SLCO1B3: variants seen among roughly 807,000 people sequenced by gnomAD.
SLCO1B3 encodes the protein solute carrier organic anion transporter family member 1B3, also known as liver-specific organic anion transporter 2.
A neutral mutation model predicts 71.8 loss-of-function variants in SLCO1B3; 72 were observed. That is an observed-to-expected ratio of 1.00 (90% CI 0.83 to 1.22). The LOEUF (loss-of-function observed/expected upper bound fraction) is 1.22, where lower values mean the gene tolerates loss of function less well. Ranked by LOEUF, SLCO1B3 falls within the 50% of genes most tolerant of loss-of-function variation. SLCO1B3 has a pLI of 0.00. For synonymous variants in SLCO1B3, 298 were observed against 278.4 expected (o/e 1.07, Z -0.70); for missense variants, 911 against 819.7 (o/e 1.11, Z -1.36).
At chr12:20,819,938 A>G (rs978773911) in intron 3 of SLCO1B3, among the ~76,000 whole-genome samples, 10 of 152,140 alleles carry the variant, frequency 6.6e-5, no homozygotes, top group Admixed American at 3.9e-4. Flanking sequence ...GCTGTAGTCC[A>G]GGAATAGTCA....
At chr12:20,908,642 T>C (rs1866305049) in intron 15 of SLCO1B3, among the ~76,000 whole-genome samples, 1 of 152,234 alleles carries the variant, frequency 6.6e-6, no homozygotes. Context: ...ATACATTTTG[T>C]AGCCTTTTCA....
At chr12:20,885,069 AAAGG>A (rs1865767804) in intron 13 of SLCO1B3, among the ~76,000 whole-genome samples, 1 of 152,136 alleles carries the variant, frequency 6.6e-6, no homozygotes, top group African/African-American at 2.4e-5. Context: ...TTTCATGAGA[AAAGG>A]AGAGTTTTAA....
intron 1 of SLCO1B3, among the ~76,000 whole-genome samples, chr12:20,811,904 C>CTTTTT (rs1864115436): frequency 2.1e-5 from 2 of 94,722 alleles, no homozygotes; most frequent in South Asian, 3.8e-4. Flanking sequence ...TTACTTGATA[C>CTTTTT]ATTTTTTTTT....
At chr12:20,843,429 T>C (rs1864843662) in intron 3 of SLCO1B3, among the ~76,000 whole-genome samples, 1 of 152,152 alleles carries the variant, frequency 6.6e-6, no homozygotes, top group African/African-American at 2.4e-5. Flanking sequence ...TTCCTTATAG[T>C]TGAATGACTA....
intron 8 of SLCO1B3, 91 bp downstream of exon 8, chr12:20,862,945 T>G (rs1203164565): frequency 3.8e-5 from 24 of 638,132 alleles, no homozygotes; most frequent in Non-Finnish European, 6.1e-5. Flanking sequence ...TTTCAATAGT[T>G]CTTTGTTTAC....
At position 20,901,440 on chromosome 12, in the gene SLCO1B3, G is replaced by GT; in HGVS notation, c.1839dup (p.Arg614Ter). 1 of 1,554,414 alleles carries GT rather than the reference G, an allele frequency of 6.4e-7. No homozygotes were observed. Among genetic ancestry groups the GT allele is most frequent in the African/African-American group, 1.4e-5 (1 of 71,880 alleles). On this transcript the variant is annotated frameshift_variant, in exon 15 of 16. Transcript: ENST00000381545. LOFTEE classifies it high-confidence loss of function. ...AACAGCTGTGGAGCACAAGGGGCTT[G>GT]TAGGATATATAATTCCGTATTTTTT...
rs372205195 is a variant in SLCO1B3 at position 20,817,567 on chromosome 12, T to A, written c.84+1745T>A. ...GTCTGTTTATATGCCAGTACCATGCTGTTTTGGTTACTATAACTCTATAGT... is the reference window on the plus strand; with the variant it reads ...GTCTGTTTATATGCCAGTACCATGCAGTTTTGGTTACTATAACTCTATAGT... On this transcript the variant is annotated intron_variant, in intron 3 of 15. Transcript: ENST00000381545. 1.1e-3 allele frequency among the ~76,000 whole-genome samples: 162 copies of A among 152,248 alleles called. 4 individuals carry two copies. In the South Asian group the frequency reaches 0.033, roughly 31 times the overall value.
In SLCO1B3 at chr12:20,877,773, T is replaced by A. The variant is rs199532359; in HGVS notation, c.972T>A (p.Gly324=). 5 of 1,388,834 alleles carry A rather than the reference T, an allele frequency of 3.6e-6. No individual in the cohort carries two copies. Among genetic ancestry groups the A allele is most frequent in the Non-Finnish European group, 4.8e-6 (5 of 1,045,904 alleles). 86.0% of individuals were successfully genotyped at this position (1,388,834 alleles called of 1,614,324 possible). The change falls in exon 10 of 16, where the codon GGT becomes GGA. Residue 324 remains glycine (G), a splice_region_variant and synonymous_variant. Transcript: ENST00000381545. The part of the protein sequence containing the change: ...QGKNVTKNVT[G]FFQSLKSILT... ...TATGTTATTTTTATAACTCTATAGG[T>A]TTTTTCCAGTCTTTGAAAAGCATCC...
chr12:20,846,165 T>G (rs1449537255), intron 3 of SLCO1B3, among the ~76,000 whole-genome samples: 2 of 152,224 alleles, frequency 1.3e-5, no homozygotes, highest in East Asian at 3.9e-4. Context: ...TTTCATTTAC[T>G]ATGACATTGT....
At chr12:20,864,942 A>G (rs911101259) in intron 8 of SLCO1B3, among the ~76,000 whole-genome samples, 2 of 152,126 alleles carry the variant, frequency 1.3e-5, no homozygotes, top group African/African-American at 4.8e-5. Flanking sequence ...CATACACACT[A>G]AAACTCATGT....
Position 20,883,611 on chromosome 12 carries a change from G to A in SLCO1B3, c.1682+9G>A. ...ATCTTGTTGACTGTGAAGTAAGTAT[G>A]ATCCTGTAAAACATTGTCATGTATA... is the stretch of plus-strand genomic sequence containing the variant. On this transcript the variant is annotated intron_variant, in intron 13 of 15. Coordinates refer to ENST00000381545, the MANE Select transcript of SLCO1B3 (RefSeq NM_019844.4). The A allele has an allele frequency of 2.6e-6, 4 of 1,561,636 alleles. No homozygotes were observed. The highest frequency in any genetic ancestry group is 3.5e-6 in the Non-Finnish European group (4 of 1,154,036).
intron 9 of SLCO1B3, among the ~76,000 whole-genome samples, chr12:20,876,469 A>G (rs983596515): frequency 2.0e-5 from 3 of 152,164 alleles, no homozygotes; most frequent in African/African-American, 2.4e-5. Flanking sequence ...TCTTTCTCTC[A>G]TCAGTTCCTT....
chr12:20,898,505 G>A lies in SLCO1B3; in HGVS notation c.1747+5G>A, dbSNP rs748582575. On this transcript the variant is annotated splice_donor_5th_base_variant and intron_variant, in intron 14 of 15. Coordinates refer to ENST00000381545, the MANE Select transcript of SLCO1B3 (RefSeq NM_019844.4). ...CAATGGTTATAAGAACACTAGGTAT[G>A]ACAAATATATAGATTATACATTTTA... is the stretch of plus-strand genomic sequence containing the variant. 4.0e-5 allele frequency: 59 copies of A among 1,458,602 alleles called. No individual in the cohort carries two copies. The highest frequency in any genetic ancestry group is 4.3e-4 in the Middle Eastern group (2 of 4,692). 90.4% of individuals were successfully genotyped at this position (1,458,602 alleles called of 1,614,324 possible).
intron 15 of SLCO1B3, among the ~76,000 whole-genome samples, chr12:20,912,060 A>G (rs10770759): frequency 0.79 from 119,619 of 152,000 alleles, 51,426 homozygotes; most frequent in South Asian, 0.95. Context: ...TTCTGCTTTC[A>G]CTGCATCCAT....
At chr12:20,829,239 A>T (rs1864489834) in intron 3 of SLCO1B3, among the ~76,000 whole-genome samples, 1 of 152,234 alleles carries the variant, frequency 6.6e-6, no homozygotes, top group African/African-American at 2.4e-5. Flanking sequence ...CTAGTTGCTA[A>T]TCTTAACTTT....
intron 3 of SLCO1B3, among the ~76,000 whole-genome samples, chr12:20,820,709 G>A (rs1236366965): frequency 6.6e-6 from 1 of 152,162 alleles, no homozygotes; most frequent in Non-Finnish European, 1.5e-5. Flanking sequence ...GTAATAAAAT[G>A]TATATTGAGA....
chr12:20,871,136 C>G (rs1308315248), intron 8 of SLCO1B3, among the ~76,000 whole-genome samples: 1 of 152,064 alleles, frequency 6.6e-6, no homozygotes, highest in Non-Finnish European at 1.5e-5. Context: ...AGAAATTGGC[C>G]TGTAGTTTTT....
chr12:20,860,380 T>C (rs1865236077), intron 5 of SLCO1B3, among the ~76,000 whole-genome samples: 1 of 152,292 alleles, frequency 6.6e-6, no homozygotes, highest in African/African-American at 2.4e-5. Flanking sequence ...CACTGTGTGT[T>C]TTATTTCTTG....
chr12:20,884,135 G>A (rs921238848), intron 13 of SLCO1B3, among the ~76,000 whole-genome samples: 1 of 152,076 alleles, frequency 6.6e-6, no homozygotes, highest in Non-Finnish European at 1.5e-5. Context: ...TCACTTATTA[G>A]ACAGTTATTT....
Sources: allele counts gnomAD v4.1 joint callset (sites outside exome capture counted in the v4.1 genomes callset), GRCh38; gene constraint gnomAD v4.1.1; transcripts MANE v1.5; gene names NCBI Gene and HGNC (gene_info 2026-07-23, HGNC 2026-07-21).